Variants in SCPPPQ1 observed in about 807,000 individuals in gnomAD.
SCPPPQ1 encodes secretory calcium-binding phosphoprotein proline- and glutamine-rich 1.
the SCPPPQ1 span, among the ~76,000 whole-genome samples, chr4:87,464,687 A>C: frequency 6.6e-6 from 1 of 152,076 alleles, no homozygotes; most frequent in Non-Finnish European, 1.5e-5. Context: ...AAAATACAAA[A>C]ATTAGCCCAG....
chr4:87,468,543 A>G, the SCPPPQ1 span, among the ~76,000 whole-genome samples: 1 of 152,220 alleles, frequency 6.6e-6, no homozygotes, highest in Non-Finnish European at 1.5e-5. Flanking sequence ...TCTCATTTGT[A>G]TATAGTCAGT....
chr4:87,463,246 G>A, the SCPPPQ1 span, among the ~76,000 whole-genome samples: 8 of 151,310 alleles, frequency 5.3e-5, no homozygotes, highest in African/African-American at 1.9e-4. Context: ...ACCTTTCGTG[G>A]CATTGAATAT....
At chr4:87,468,052 G>C in the SCPPPQ1 span, among the ~76,000 whole-genome samples, 1 of 152,206 alleles carries the variant, frequency 6.6e-6, no homozygotes, top group African/African-American at 2.4e-5. Context: ...GCAGCATATG[G>C]AAATACATTA....
the SCPPPQ1 span, among the ~76,000 whole-genome samples, chr4:87,464,481 G>A: frequency 2.0e-5 from 3 of 152,040 alleles, no homozygotes; most frequent in Non-Finnish European, 2.9e-5. Flanking sequence ...TATTGGGTTT[G>A]AAAAAGACTA....
At chr4:87,464,896 T>C in the SCPPPQ1 span, among the ~76,000 whole-genome samples, 1 of 152,164 alleles carries the variant, frequency 6.6e-6, no homozygotes, top group South Asian at 2.1e-4. Flanking sequence ...TGCTGAAATA[T>C]ACATAACTTT....
the SCPPPQ1 span, among the ~76,000 whole-genome samples, chr4:87,465,822 G>T: frequency 6.6e-6 from 1 of 152,028 alleles, no homozygotes; most frequent in African/African-American, 2.4e-5. Context: ...AGGTATGGTT[G>T]TTCTTCTTAA....
At chr4:87,464,547 G>C in the SCPPPQ1 span, among the ~76,000 whole-genome samples, 1 of 152,042 alleles carries the variant, frequency 6.6e-6, no homozygotes, top group African/African-American at 2.4e-5. Flanking sequence ...TCCTATAATC[G>C]TAATAGGAGT....
At chr4:87,463,502 A>G in the SCPPPQ1 span, among the ~76,000 whole-genome samples, 1 of 152,202 alleles carries the variant, frequency 6.6e-6, no homozygotes, top group African/African-American at 2.4e-5. Flanking sequence ...TTAAACCTAC[A>G]TTTAACTTAT....
At chr4:87,465,230 TC>T in the SCPPPQ1 span, among the ~76,000 whole-genome samples, 1 of 152,186 alleles carries the variant, frequency 6.6e-6, no homozygotes, top group Non-Finnish European at 1.5e-5. Flanking sequence ...CATCTCCAGA[TC>T]ATTTAACTTC....
At chr4:87,466,999 C>T in the SCPPPQ1 span, among the ~76,000 whole-genome samples, 3 of 152,224 alleles carry the variant, frequency 2.0e-5, no homozygotes, top group South Asian at 6.2e-4. Context: ...ATTTTCTACC[C>T]GCAAATTGCC....
chr4:87,465,035 A>T, the SCPPPQ1 span, among the ~76,000 whole-genome samples: 14 of 152,166 alleles, frequency 9.2e-5, no homozygotes. Context: ...AAATGCTTCT[A>T]GGATATATTA....
chr4:87,467,241 G>A, the SCPPPQ1 span, among the ~76,000 whole-genome samples: 5 of 152,050 alleles, frequency 3.3e-5, no homozygotes, highest in Non-Finnish European at 5.9e-5. Flanking sequence ...AGCACTCACC[G>A]TTGACTCTAT....
At chr4:87,463,763 C>G in the SCPPPQ1 span, among the ~76,000 whole-genome samples, 2 of 152,308 alleles carry the variant, frequency 1.3e-5, no homozygotes, top group African/African-American at 4.8e-5. Flanking sequence ...TCCCATCTTT[C>G]ATAAATGATT....
At chr4:87,470,139 A>G in the SCPPPQ1 span, among the ~76,000 whole-genome samples, 2,399 of 151,862 alleles carry the variant, frequency 0.016, 55 homozygotes, top group African/African-American at 0.055. Flanking sequence ...AAATTTTCTT[A>G]GAGATGGGGT....
chr4:87,464,194 G>A, the SCPPPQ1 span, among the ~76,000 whole-genome samples: 3 of 152,130 alleles, frequency 2.0e-5, no homozygotes, highest in African/African-American at 7.2e-5. Context: ...AGATCATTAG[G>A]TGTGAGGACC....
At chr4:87,465,541 A>G in the SCPPPQ1 span, among the ~76,000 whole-genome samples, 6 of 147,910 alleles carry the variant, frequency 4.1e-5, no homozygotes, top group Non-Finnish European at 7.4e-5. Flanking sequence ...AAGGAAAAGG[A>G]AAAGGAATAG....
the SCPPPQ1 span, chr4:87,461,902 T>TAA: frequency 6.6e-6 from 1 of 152,182 alleles, no homozygotes; most frequent in Non-Finnish European, 1.5e-5. Flanking sequence ...CAGAGGCAAT[T>TAA]AAACTCATGA....
chr4:87,469,900 T>G, the SCPPPQ1 span, among the ~76,000 whole-genome samples: 1 of 151,868 alleles, frequency 6.6e-6, no homozygotes, highest in East Asian at 1.9e-4. Flanking sequence ...CTATACACTG[T>G]ACATGTTTGG....
At chr4:87,461,880 T>C in the SCPPPQ1 span, 1 of 152,146 alleles carries the variant, frequency 6.6e-6, no homozygotes, top group Non-Finnish European at 1.5e-5. Flanking sequence ...AATTTACCGT[T>C]GTGGACACAA....
Sources: allele counts gnomAD v4.1 joint callset (sites outside exome capture counted in the v4.1 genomes callset), GRCh38; gene constraint gnomAD v4.1.1; transcripts MANE v1.5; gene names NCBI Gene and HGNC (gene_info 2026-07-23, HGNC 2026-07-21).